The following OR2L13 variants were observed in gnomAD, a reference collection of about 807,000 sequenced individuals.
OR2L13 encodes the protein olfactory receptor family 2 subfamily L member 13.
Under a neutral mutation model 15.3 loss-of-function variants are expected in OR2L13, and 14 were observed. The ratio of observed to expected loss-of-function variants is 0.91; its 90% confidence interval spans 0.60 to 1.43. The LOEUF is 1.43. Among genes scored for constraint, OR2L13 ranks in the 40% most tolerant of loss-of-function variants. The pLI is 0.00. For missense variants in OR2L13, 367 were observed against 387.9 expected (o/e 0.95, Z 0.45); for synonymous variants, 152 against 142.9 (o/e 1.06, Z -0.45).
chr1:248,014,712 T>TACA, the OR2L13 span, among the ~76,000 whole-genome samples: 3 of 152,102 alleles, frequency 2.0e-5, no homozygotes, highest in Non-Finnish European at 2.9e-5. Context: ...ACTTGTAGAT[T>TACA]CTCTTCAATG....
chr1:248,006,652 G>GTGAT, the OR2L13 span, among the ~76,000 whole-genome samples: 11 of 152,172 alleles, frequency 7.2e-5, no homozygotes, highest in East Asian at 1.9e-3. Context: ...AACCCTCAAT[G>GTGAT]TGATAATATT....
chr1:248,064,999 A>G, the OR2L13 span, among the ~76,000 whole-genome samples: 1 of 152,220 alleles, frequency 6.6e-6, no homozygotes, highest in Non-Finnish European at 1.5e-5. Context: ...CCTTGTGGTC[A>G]TTAAGAAGAA....
chr1:248,080,907 GT>G, the OR2L13 span, among the ~76,000 whole-genome samples: 3 of 152,248 alleles, frequency 2.0e-5, no homozygotes, highest in African/African-American at 7.2e-5. Flanking sequence ...TTGTTTCTGG[GT>G]GCTAGAACTT....
chr1:247,990,463 C>T, the OR2L13 span: 4 of 1,578,328 alleles, frequency 2.5e-6, no homozygotes, highest in Non-Finnish European at 3.5e-6. Context: ...AGTCAGCTCT[C>T]CCTCATTGAC....
the OR2L13 span, among the ~76,000 whole-genome samples, chr1:247,968,608 C>T: frequency 6.8e-6 from 1 of 147,572 alleles, no homozygotes; most frequent in Non-Finnish European, 1.5e-5. Flanking sequence ...GGTTTTCTGT[C>T]CTTGTGATAG....
the OR2L13 span, among the ~76,000 whole-genome samples, chr1:248,001,586 T>A: frequency 6.6e-6 from 1 of 151,996 alleles, no homozygotes; most frequent in Non-Finnish European, 1.5e-5. Context: ...AAAGGACTAT[T>A]TCTGTAAATA....
the OR2L13 span, among the ~76,000 whole-genome samples, chr1:248,024,519 C>T: frequency 9.9e-5 from 15 of 152,056 alleles, no homozygotes; most frequent in African/African-American, 3.1e-4. Context: ...AGGTTTTCTT[C>T]TAGGGTTTTT....
the OR2L13 span, among the ~76,000 whole-genome samples, chr1:248,026,680 C>T: frequency 6.6e-6 from 1 of 152,078 alleles, no homozygotes; most frequent in African/African-American, 2.4e-5. Context: ...TTATTTGTTC[C>T]CCAAATTAAT....
chr1:247,987,476 T>C, the OR2L13 span, among the ~76,000 whole-genome samples: 841 of 152,296 alleles, frequency 5.5e-3, 3 homozygotes, highest in Non-Finnish European at 0.01. Flanking sequence ...TCATTCTCAT[T>C]ATTATCATGA....
chr1:248,096,276 G>A (rs1239315578), upstream of OR2L13, among the ~76,000 whole-genome samples: 5 of 151,892 alleles, frequency 3.3e-5, no homozygotes, highest in African/African-American at 7.3e-5. Flanking sequence ...CCAGCTACTG[G>A]GGAGGCTGAG....
At chr1:248,077,479 T>C in the OR2L13 span, among the ~76,000 whole-genome samples, 1 of 152,252 alleles carries the variant, frequency 6.6e-6, no homozygotes, top group Admixed American at 6.5e-5. Context: ...TCCTGGACTT[T>C]TTTTGGTGTA....
At chr1:248,063,786 A>T in the OR2L13 span, among the ~76,000 whole-genome samples, 1 of 80,378 alleles carries the variant, frequency 1.2e-5, no homozygotes, top group Non-Finnish European at 2.6e-5. Context: ...GTATTACAAG[A>T]TGTGTGCGTG....
the OR2L13 span, among the ~76,000 whole-genome samples, chr1:248,027,964 C>A: frequency 6.6e-6 from 1 of 151,592 alleles, no homozygotes; most frequent in Admixed American, 6.6e-5. Context: ...CACAGTGAAA[C>A]CCCGTCTCTA....
chr1:247,973,261 T>G, the OR2L13 span, among the ~76,000 whole-genome samples: 1 of 152,100 alleles, frequency 6.6e-6, no homozygotes, highest in Non-Finnish European at 1.5e-5. Flanking sequence ...CAACATAGTA[T>G]TGGAAGTTCT....
At chr1:248,059,287 T>C in the OR2L13 span, among the ~76,000 whole-genome samples, 8 of 152,206 alleles carry the variant, frequency 5.3e-5, no homozygotes, top group African/African-American at 1.9e-4. Flanking sequence ...TGTGCAAAGT[T>C]GTTCTCTGAT....
At chr1:248,082,168 A>AATGATGAG in the OR2L13 span, among the ~76,000 whole-genome samples, 50 of 146,436 alleles carry the variant, frequency 3.4e-4, 1 homozygote, top group African/African-American at 1.3e-3. Context: ...AGCCATAAAA[A>AATGATGAG]ATGATGAGTT....
the OR2L13 span, among the ~76,000 whole-genome samples, chr1:248,030,859 C>T: frequency 1.3e-5 from 2 of 152,104 alleles, no homozygotes; most frequent in African/African-American, 4.8e-5. Flanking sequence ...AAAGTTCATG[C>T]TGGTATCATT....
the OR2L13 span, among the ~76,000 whole-genome samples, chr1:247,956,825 C>G: frequency 3.3e-5 from 5 of 152,278 alleles, no homozygotes; most frequent in East Asian, 7.7e-4. Context: ...AGTTGCCTAT[C>G]AGCTTAAGGA....
chr1:248,022,925 A>T, the OR2L13 span: 1 of 1,552,874 alleles, frequency 6.4e-7, no homozygotes, highest in South Asian at 1.2e-5. Flanking sequence ...CTAGGTTCAT[A>T]TCAACTCAGC....
Sources: allele counts gnomAD v4.1 joint callset (sites outside exome capture counted in the v4.1 genomes callset), GRCh38; gene constraint gnomAD v4.1.1; transcripts MANE v1.5; gene names NCBI Gene and HGNC (gene_info 2026-07-23, HGNC 2026-07-21).